ZNF609: variants seen among roughly 807,000 people sequenced by gnomAD.
ZNF609 encodes the protein zinc finger protein 609.
Under a neutral mutation model 109.5 loss-of-function variants are expected in ZNF609, and 11 were observed. The ratio of observed to expected loss-of-function variants is 0.10; its 90% CI spans 0.06 to 0.17. The LOEUF (loss-of-function observed/expected upper bound fraction) is 0.17, where lower values mean the gene tolerates loss of function less well. ZNF609 is among the 10% of genes least tolerant of loss of function. The pLI is 1.00. For synonymous variants in ZNF609, 646 were observed against 662.0 expected, an observed-to-expected ratio of 0.98 and a Z score of 0.37; for missense variants, 1,559 against 1,772.4, an observed-to-expected ratio of 0.88 and a Z score of 2.16.
intron 2 of ZNF609, chr15:64,593,084 A>G (rs951379946): frequency 1.3e-5 from 20 of 1,594,202 alleles, no homozygotes; most frequent in Middle Eastern, 1.7e-4. Flanking sequence ...AGACAAGGCC[A>G]TTAAGAAATT....
intron 3 of ZNF609, among the ~76,000 whole-genome samples, chr15:64,644,805 G>A (rs914393125): frequency 2.6e-5 from 4 of 152,060 alleles, no homozygotes; most frequent in Non-Finnish European, 5.9e-5. Context: ...CATGTCTTTG[G>A]ACCAGGCAAT....
At chr15:64,481,308 C>CTTTCTTT (rs923580480) in intron 1 of ZNF609, among the ~76,000 whole-genome samples, 3 of 147,852 alleles carry the variant, frequency 2.0e-5, no homozygotes, top group African/African-American at 7.6e-5. Context: ...AGAAAGGCAT[C>CTTTCTTT]TTTCTTTTTT....
chr15:64,573,599 G>A lies in ZNF609; in HGVS notation c.748-49228G>A, dbSNP rs532080697. Among the ~76,000 whole-genome samples the A allele has an allele frequency of 4.6e-5, 7 of 151,338 alleles. No individual in the cohort carries two copies. The East Asian group carries it at 7.8e-4, about 17-fold the overall frequency. ...AGGATGGTCTTGATCTCCTGACCTC[G>A]TGATCCGCCCACCTCGGCCTCCCAA... On this transcript the variant is annotated intron_variant, in intron 2 of 9. Transcript: ENST00000326648.
chr15:64,622,186 T>C (rs916685423), intron 2 of ZNF609, among the ~76,000 whole-genome samples: 3 of 152,192 alleles, frequency 2.0e-5, no homozygotes, highest in Non-Finnish European at 4.4e-5. Context: ...CACTGTTACA[T>C]GTTACAGTTT....
In ZNF609 at chr15:64,563,463, A is replaced by T. The variant is rs185865167; in HGVS notation, c.748-59364A>T. On this transcript the variant is annotated intron_variant, in intron 2 of 9. Coordinates refer to ENST00000326648, the MANE Select transcript of ZNF609 (RefSeq NM_015042.2). ...AAAACCCTGCCTCAAAAAAAAAAAA[A>T]TAATTGAAAATAACTGAAAATTTAA... Among the ~76,000 whole-genome samples, 1,335 of 152,036 alleles carry T rather than the reference A, an allele frequency of 8.8e-3. 23 individuals carry two copies. The highest frequency in any genetic ancestry group is 0.031 in the African/African-American group (1,277 of 41,478).
intron 2 of ZNF609, chr15:64,501,679 G>A (rs1893564827): frequency 6.6e-6 from 1 of 152,172 alleles, no homozygotes; most frequent in Non-Finnish European, 1.5e-5. Context: ...CTGGCTTCAA[G>A]AAACTCTTGC....
At chr15:64,567,014 ACT>A (rs1366046491) in intron 2 of ZNF609, among the ~76,000 whole-genome samples, 2 of 152,134 alleles carry the variant, frequency 1.3e-5, no homozygotes, top group Admixed American at 1.3e-4. Flanking sequence ...AGCATCAAAA[ACT>A]CTGTAGAGTA....
intron 3 of ZNF609, among the ~76,000 whole-genome samples, chr15:64,669,372 T>C (rs558977990): frequency 6.6e-5 from 10 of 152,356 alleles, no homozygotes; most frequent in Admixed American, 2.6e-4. Flanking sequence ...TCTACACATA[T>C]GGAATGATCC....
In ZNF609 at chr15:64,634,830, A is replaced by G. The variant is rs567563556; in HGVS notation, c.973+11778A>G. Among the ~76,000 whole-genome samples, 8 of 152,318 alleles carry G rather than the reference A, an allele frequency of 5.3e-5. No homozygotes were observed. The South Asian group carries it at 1.7e-3, about 32-fold the overall frequency. ...CATAGCAACAGACCACCACATGGCA[A>G]CAGCAGCCACACAAAGGAAACATTA... On this transcript the variant is annotated intron_variant, in intron 3 of 9. Coordinates refer to ENST00000326648, the MANE Select transcript of ZNF609 (RefSeq NM_015042.2).
rs1478323675 is a variant in ZNF609, at chr15:64,460,637, G to A, written c.-329G>A. On this transcript the variant is annotated 5_prime_UTR_variant, in exon 1 of 10. Transcript: ENST00000326648. ...GGCGGCTGAGGGACCCGCGGCCCCG[G>A]ACACAGCGGCACCGGCCGGGCGGGG... is the stretch of plus-strand genomic sequence containing the variant. 6.3e-5 allele frequency: 10 copies of A among 158,606 alleles called. No individual in the cohort carries two copies. The highest frequency in any genetic ancestry group is 2.0e-4 in the African/African-American group (8 of 40,540). 9.8% of individuals were successfully genotyped at this position (158,606 alleles called of 1,614,324 possible).
Position 64,676,249 on chromosome 15 carries a change from A to G in ZNF609, c.3395A>G (p.Tyr1132Cys), listed in dbSNP as rs1896809415. The G allele has an allele frequency of 6.3e-7, 1 of 1,599,904 alleles. No individual in the cohort carries two copies. Among genetic ancestry groups the G allele is most frequent in the Non-Finnish European group, 8.5e-7 (1 of 1,173,736 alleles). The change falls in exon 5 of 10, where the codon TAC becomes TGC. Residue 1132 changes from tyrosine (Y) to cysteine (C), a missense_variant. Physicochemically the swap from Tyr to Cys is radical, Grantham distance 194. Coordinates refer to ENST00000326648, the MANE Select transcript of ZNF609 (RefSeq NM_015042.2). ...GCAGAGATGGATCCAATACTCTGGTACCGACAGGTAACTGTTGCCCTGGGA... is the reference window on the plus strand; with the variant it reads ...GCAGAGATGGATCCAATACTCTGGTGCCGACAGGTAACTGTTGCCCTGGGA... ...RQAEMDPILW[Y>C]RQEAEPRMWT... is the part of the protein sequence containing the mutation.
chr15:64,679,624 C>A (rs1287361496), intron 6 of ZNF609, among the ~76,000 whole-genome samples: 1 of 152,162 alleles, frequency 6.6e-6, no homozygotes, highest in Non-Finnish European at 1.5e-5. Flanking sequence ...TTCCTTTATC[C>A]CTGTCACTCA....
At chr15:64,599,592 T>C (rs1157879290) in intron 2 of ZNF609, among the ~76,000 whole-genome samples, 1 of 152,198 alleles carries the variant, frequency 6.6e-6, no homozygotes, top group Non-Finnish European at 1.5e-5. Flanking sequence ...CTACTTCTGA[T>C]CATTCTTACT....
chr15:64,628,889 T>G (rs924004781), intron 3 of ZNF609, among the ~76,000 whole-genome samples: 2 of 152,008 alleles, frequency 1.3e-5, no homozygotes, highest in Non-Finnish European at 2.9e-5. Context: ...CCTTCCAAAG[T>G]GCTGGGATTA....
chr15:64,531,800 C>A (rs1894067722), intron 2 of ZNF609, among the ~76,000 whole-genome samples: 1 of 152,182 alleles, frequency 6.6e-6, no homozygotes. Context: ...ACTTCCAACA[C>A]CCTTGTCAAC....
At chr15:64,635,789 A>G (rs970688973) in intron 3 of ZNF609, among the ~76,000 whole-genome samples, 1 of 152,166 alleles carries the variant, frequency 6.6e-6, no homozygotes, top group Non-Finnish European at 1.5e-5. Flanking sequence ...CTCCCAAGCT[A>G]TTGCTACTGA....
intron 2 of ZNF609, among the ~76,000 whole-genome samples, chr15:64,549,142 G>C (rs989790182): frequency 1.3e-5 from 2 of 152,044 alleles, no homozygotes; most frequent in African/African-American, 4.8e-5. Flanking sequence ...AAATAAAATA[G>C]TACCCACTGT....
At chr15:64,511,608 G>A (rs1029068418) in intron 2 of ZNF609, among the ~76,000 whole-genome samples, 1 of 151,954 alleles carries the variant, frequency 6.6e-6, no homozygotes, top group Non-Finnish European at 1.5e-5. Context: ...GAGTTTCTTG[G>A]TCGTGAGACA....
At position 64,675,604 on chromosome 15, in the gene ZNF609, C is replaced by T; in HGVS notation, c.2750C>T (p.Ala917Val). 6.2e-7 allele frequency: 1 copy of T among 1,614,054 alleles called. No individual in the cohort carries two copies. Among genetic ancestry groups the T allele is most frequent in the Admixed American group, 1.7e-5 (1 of 60,028 alleles). Residue 917 changes from alanine to valine, a missense_variant, in exon 5 of 10, where the codon GCA becomes GTA. Ala to Val is a moderately conservative substitution (Grantham distance 64). This residue lies in a region of ZNF609 where 1,204 missense variants were observed against 1,314.1 expected (regional missense o/e 0.92). Transcript: ENST00000326648. ...GGGGCTCTGAACCCCAGCAGCCAGGCAGGAGTGGAGAGCCAGGCCCTGAAG... is the reference window on the plus strand; with the variant it reads ...GGGGCTCTGAACCCCAGCAGCCAGGTAGGAGTGGAGAGCCAGGCCCTGAAG... ...SPGALNPSSQ[A>V]GVESQALKTK... is the part of the protein sequence containing the mutation.
Sources: allele counts gnomAD v4.1 joint callset (sites outside exome capture counted in the v4.1 genomes callset), GRCh38; gene constraint gnomAD v4.1.1; regional missense constraint gnomAD v4.1.1; transcripts MANE v1.5; gene names NCBI Gene and HGNC (gene_info 2026-07-23, HGNC 2026-07-21).